Variants in WASHC5 observed in about 807,000 individuals in gnomAD.
WASHC5 encodes WASH complex subunit strumpellin.
In WASHC5, 101 loss-of-function variants were observed where a neutral mutation model predicts 150.4. The observed-to-expected ratio is 0.67, with a 90% CI of 0.57 to 0.79. The LOEUF (loss-of-function observed/expected upper bound fraction) is 0.79, where lower values mean the gene tolerates loss of function less well. Among genes scored for constraint, WASHC5 ranks in the 30% least tolerant of loss-of-function variants. WASHC5 has a pLI of 0.00. For synonymous variants in WASHC5, 467 were observed against 491.2 expected (o/e 0.95, Z 0.65); for missense variants, 1,195 against 1,396.3 (o/e 0.86, Z 2.30).
At chr8:125,040,492 T>C (rs369988202) in intron 23 of WASHC5, among the ~76,000 whole-genome samples, 1 of 152,184 alleles carries the variant, frequency 6.6e-6, no homozygotes, top group East Asian at 1.9e-4. Flanking sequence ...GTGTGTCTGA[T>C]ATGGTTTGGC....
At chr8:125,075,501 G>A (rs1372962173) in intron 7 of WASHC5, among the ~76,000 whole-genome samples, 1 of 152,012 alleles carries the variant, frequency 6.6e-6, no homozygotes, top group Non-Finnish European at 1.5e-5. Flanking sequence ...TTGGATTTTG[G>A]TCTTTCTTAA....
chr8:125,083,741 T>G lies in WASHC5; in HGVS notation c.158A>C (p.Asp53Ala). The change falls in exon 2 of 29, where the codon GAT (aspartate) becomes GCT (alanine). Residue 53 changes from aspartate to alanine, a missense_variant. By Grantham distance (126) the Asp-to-Ala change is moderately radical. Transcript: ENST00000318410. ...KDRADQQKYG[D>A]IIFDFSYFKG... Reference sequence around the variant, plus strand: ...AAAATAGCTGAAATCAAATATGATATCTCCATATTTCTGTTGATCAGCTCT... The same window carrying G: ...AAAATAGCTGAAATCAAATATGATAGCTCCATATTTCTGTTGATCAGCTCT... 1 of 1,611,446 alleles carries G rather than the reference T, an allele frequency of 6.2e-7. No individual in the cohort carries two copies. The highest frequency in any genetic ancestry group is 8.5e-7 in the Non-Finnish European group (1 of 1,177,676).
rs762919398 is a variant in WASHC5, at chr8:125,057,608, A to T, written c.1823T>A (p.Leu608Gln). The T allele has an allele frequency of 1.2e-6, 2 of 1,613,934 alleles. No homozygotes were observed. The highest frequency in any genetic ancestry group is 2.7e-5 in the African/African-American group (2 of 74,940). The stretch of plus-strand genomic sequence containing the variant: ...AGAATAGTACTGTGACACGCTGAGC[A>T]GGTCGGGGCTATTTGCCTGATTAAT... ...LRINQANSPD[L>Q]LSVSQYYSGE... Residue 608 changes from leucine to glutamine, a missense_variant, in exon 15 of 29, where the codon CTG becomes CAG. Around this residue, in one of 3 missense-constraint regions of WASHC5, gnomAD observed 997 missense variants for 1,168.1 expected, o/e 0.85. Transcript: ENST00000318410.
chr8:125,089,770 T>G (rs989494656), intron 1 of WASHC5, among the ~76,000 whole-genome samples: 7 of 152,214 alleles, frequency 4.6e-5, no homozygotes, highest in African/African-American at 1.7e-4. Context: ...CAATCTCTTG[T>G]TTTAATCCTT....
intron 9 of WASHC5, among the ~76,000 whole-genome samples, chr8:125,072,842 C>T (rs1365213236): frequency 6.6e-6 from 1 of 152,124 alleles, no homozygotes; most frequent in African/African-American, 2.4e-5. Context: ...TTCTGCCTAC[C>T]ACAGATCTGC....
chr8:125,078,564 C>T (rs1196049361), intron 6 of WASHC5, among the ~76,000 whole-genome samples, 174 bp downstream of exon 6: 2 of 152,142 alleles, frequency 1.3e-5, no homozygotes, highest in African/African-American at 2.4e-5. Flanking sequence ...ATGATTCTGG[C>T]AAAATTAATA....
At chr8:125,026,678 A>G (rs1310868793) in intron 28 of WASHC5, among the ~76,000 whole-genome samples, 1 of 152,072 alleles carries the variant, frequency 6.6e-6, no homozygotes, top group Non-Finnish European at 1.5e-5. Context: ...TTAATTTGAG[A>G]TGCTACTTTT....
In WASHC5 at chr8:125,083,964, T is replaced by C. The variant is rs1817347577; in HGVS notation, c.-66A>G. ...TGATTAACTGGCCTCAGAGCTGGTGTCTGTATATTATTAGATGAAACCAGG... is the reference window on the plus strand; with the variant it reads ...TGATTAACTGGCCTCAGAGCTGGTGCCTGTATATTATTAGATGAAACCAGG... On this transcript the variant is annotated 5_prime_UTR_variant, in exon 2 of 29. Coordinates refer to ENST00000318410, the MANE Select transcript of WASHC5 (RefSeq NM_014846.4). 6.9e-7 allele frequency: 1 copy of C among 1,457,698 alleles called. No homozygotes were observed. Among genetic ancestry groups the C allele is most frequent in the South Asian group, 1.2e-5 (1 of 84,220 alleles). The allele number at this position is 1,457,698 out of a possible 1,614,324, so 90.3% of individuals were successfully genotyped here.
At chr8:125,060,716 G>T (rs77650210) in intron 12 of WASHC5, among the ~76,000 whole-genome samples, 3,999 of 151,862 alleles carry the variant, frequency 0.026, 179 homozygotes, top group African/African-American at 0.092. Flanking sequence ...TTCCTTTCTG[G>T]TTTTTTCCCC....
chr8:125,031,122 T>A (rs1404234490), intron 27 of WASHC5, among the ~76,000 whole-genome samples: 1 of 152,012 alleles, frequency 6.6e-6, no homozygotes, highest in East Asian at 1.9e-4. Context: ...GCCCCCTCGG[T>A]GAGAGTGTTC....
At chr8:125,055,733 T>C (rs1816385224) in intron 16 of WASHC5, 62 bp from the exon 17 acceptor site, 1 of 1,023,982 alleles carries the variant, frequency 9.8e-7, no homozygotes, top group Non-Finnish European at 1.6e-6. Context: ...TGAACAAAGA[T>C]AACAGGAAAA....
At chr8:125,037,153 AGGCATTC>A (rs1260107035) in intron 26 of WASHC5, 77 bp downstream of exon 26, 28 of 818,580 alleles carry the variant, frequency 3.4e-5, no homozygotes, top group Non-Finnish European at 4.3e-6. Context: ...TATCCGACAT[AGGCATTC>A]TATACAAAAA....
chr8:125,069,722 T>A (rs1373466677), intron 9 of WASHC5, among the ~76,000 whole-genome samples: 1 of 152,220 alleles, frequency 6.6e-6, no homozygotes, highest in African/African-American at 2.4e-5. Flanking sequence ...TGATTTTTCA[T>A]GAATTTGCCA....
intron 11 of WASHC5, among the ~76,000 whole-genome samples, chr8:125,062,913 C>T (rs1179039942): frequency 6.6e-6 from 1 of 152,106 alleles, no homozygotes; most frequent in African/African-American, 2.4e-5. Flanking sequence ...GATGCCAGAA[C>T]TTTCCTATAA....
chr8:125,050,489 G>A (rs1195165374), intron 18 of WASHC5, 75 bp downstream of exon 18: 7 of 983,304 alleles, frequency 7.1e-6, no homozygotes, highest in Non-Finnish European at 1.2e-5. Context: ...GTTCGCGATA[G>A]GTTAAAAATG....
At chr8:125,073,949 CAAAG>C (rs1563631363) in intron 8 of WASHC5, among the ~76,000 whole-genome samples, 3 of 152,170 alleles carry the variant, frequency 2.0e-5, no homozygotes, top group Non-Finnish European at 2.9e-5. Context: ...ATACTGTTGA[CAAAG>C]AAGGCAGAAC....
chr8:125,032,675 C>A, intron 26 of WASHC5: 1 of 429,132 alleles, frequency 2.3e-6, no homozygotes, highest in East Asian at 4.8e-5. Context: ...ATTATTGTAG[C>A]AATTTTTAAA....
In WASHC5 at chr8:125,037,219, A is replaced by C; in HGVS notation, c.3181+18T>G. The C allele has an allele frequency of 7.0e-7, 1 of 1,429,466 alleles. No individual in the cohort carries two copies. 88.5% of individuals were successfully genotyped at this position (1,429,466 alleles called of 1,614,324 possible). ...GTTGGTATTGTTACTCATTGCAAATAATAAATGTTATACGTACCCAGATTT... is the reference window on the plus strand; with the variant it reads ...GTTGGTATTGTTACTCATTGCAAATCATAAATGTTATACGTACCCAGATTT... On this transcript the variant is annotated intron_variant, in intron 26 of 28. Transcript: ENST00000318410.
At chr8:125,043,573 A>G (rs957726461) in intron 23 of WASHC5, among the ~76,000 whole-genome samples, 12 of 152,232 alleles carry the variant, frequency 7.9e-5, no homozygotes. Context: ...CTCTAGCCAA[A>G]AGGCATTTTA....
Sources: gnomAD v4.1 joint callset for allele counts (sites outside exome capture counted in the v4.1 genomes callset) on GRCh38, gnomAD v4.1.1 for gene constraint, gnomAD v4.1.1 regional missense constraint, MANE v1.5 for transcripts, NCBI Gene and HGNC (gene_info 2026-07-23, HGNC 2026-07-21) for gene names.